The following TTPA variants were observed in gnomAD, a reference collection of about 807,000 sequenced individuals.
The protein encoded by TTPA is alpha-tocopherol transfer protein.
TTPA carries 23 observed loss-of-function variants against 25.9 expected under a neutral mutation model. That is an observed-to-expected ratio of 0.89 (90% CI 0.64 to 1.26). TTPA has a LOEUF of 1.26. Among genes scored for constraint, TTPA ranks in the 50% most tolerant of loss-of-function variants. The pLI is 0.00. For synonymous variants in TTPA, 148 were observed against 137.3 expected (o/e 1.08, Z -0.54); for missense variants, 337 against 353.1 (o/e 0.95, Z 0.37).
At chr8:63,062,091 G>A (rs1805315662) in intron 4 of TTPA, among the ~76,000 whole-genome samples, 2 of 151,872 alleles carry the variant, frequency 1.3e-5, no homozygotes, top group African/African-American at 4.8e-5. Flanking sequence ...GATACTTGGT[G>A]GGCTGAGGCA....
intron 1 of TTPA, among the ~76,000 whole-genome samples, chr8:63,080,648 G>A (rs1350474599): frequency 1.3e-5 from 2 of 151,244 alleles, no homozygotes; most frequent in African/African-American, 2.4e-5. Flanking sequence ...GTGAACCCAG[G>A]AGGCAGAGCT....
At chr8:63,062,414 A>C (rs1234660727) in intron 4 of TTPA, among the ~76,000 whole-genome samples, 1 of 152,190 alleles carries the variant, frequency 6.6e-6, no homozygotes, top group Non-Finnish European at 1.5e-5. Flanking sequence ...TGTATTCAAC[A>C]ATCATTTAAT....
intron 1 of TTPA, among the ~76,000 whole-genome samples, chr8:63,085,319 G>A (rs1351248330): frequency 6.6e-6 from 1 of 152,196 alleles, no homozygotes; most frequent in African/African-American, 2.4e-5. Flanking sequence ...TGACACTTAA[G>A]TGTTACTAGT....
chr8:63,070,529 A>C (rs563703186), intron 2 of TTPA, among the ~76,000 whole-genome samples: 2 of 152,314 alleles, frequency 1.3e-5, no homozygotes, highest in South Asian at 2.1e-4. Context: ...AGAATAACAG[A>C]ACATACAGGA....
intron 3 of TTPA, among the ~76,000 whole-genome samples, chr8:63,065,076 C>T (rs1805368224): frequency 6.6e-6 from 1 of 152,144 alleles, no homozygotes; most frequent in Non-Finnish European, 1.5e-5. Context: ...TTGCAAGAAT[C>T]CATCAAATGA....
chr8:63,080,792 A>T (rs1805652067), intron 1 of TTPA, among the ~76,000 whole-genome samples: 1 of 151,308 alleles, frequency 6.6e-6, no homozygotes, highest in Non-Finnish European at 1.5e-5. Context: ...TCAAATAGAC[A>T]CAAAAAAATG....
intron 1 of TTPA, among the ~76,000 whole-genome samples, chr8:63,079,834 C>T (rs574497330): frequency 9.8e-4 from 149 of 152,330 alleles, no homozygotes; most frequent in Non-Finnish European, 1.3e-3. Flanking sequence ...CAGACATCTA[C>T]AGCGCTCTCC....
At chr8:63,072,220 C>G (rs1805493726) in intron 2 of TTPA, among the ~76,000 whole-genome samples, 1 of 152,144 alleles carries the variant, frequency 6.6e-6, no homozygotes, top group Admixed American at 6.5e-5. Context: ...AGATGAAATC[C>G]ACAATCTCAT....
chr8:63,085,718 C>A (rs1805738118), intron 1 of TTPA, 100 bp downstream of exon 1: 11 of 1,410,926 alleles, frequency 7.8e-6, no homozygotes, highest in Middle Eastern at 2.4e-4. Flanking sequence ...GTCCTGCCTG[C>A]ACCCTGGGCT....
intron 1 of TTPA, among the ~76,000 whole-genome samples, chr8:63,083,745 A>T (rs1450624447): frequency 6.6e-6 from 1 of 152,114 alleles, no homozygotes; most frequent in African/African-American, 2.4e-5. Flanking sequence ...AAATAAATGC[A>T]TATTATAATA....
At chr8:63,083,342 G>A (rs367614334) in intron 1 of TTPA, among the ~76,000 whole-genome samples, 10 of 152,252 alleles carry the variant, frequency 6.6e-5, no homozygotes, top group Non-Finnish European at 1.2e-4. Flanking sequence ...TTGCAGGGAC[G>A]TGGACGAAGC....
rs397515524 is a variant in TTPA, at chr8:63,066,035, C to A, written c.421G>T (p.Glu141Ter). ...DVFRVSLITSELIVQEVETQR... is the reference protein window; with the variant it reads ...DVFRVSLITS ...GTTTCTACCTCCTGTACAATAAGCT[C>A]GGATGTGATTAGACTTACTCGAAAT... The change falls in exon 3 of 5, where the codon GAG becomes TAG. Residue 141 changes from glutamate to a stop codon, truncating the protein, a stop_gained. Coordinates refer to ENST00000260116, the MANE Select transcript of TTPA (RefSeq NM_000370.3). LOFTEE classifies it high-confidence loss of function. 6 of 1,613,876 alleles carry A rather than the reference C, an allele frequency of 3.7e-6. No homozygotes were observed. Among genetic ancestry groups the A allele is most frequent in the Non-Finnish European group, 5.1e-6 (6 of 1,179,966 alleles).
intron 2 of TTPA, among the ~76,000 whole-genome samples, chr8:63,067,061 A>C (rs1035577886): frequency 1.3e-5 from 2 of 152,098 alleles, no homozygotes; most frequent in Non-Finnish European, 2.9e-5. Context: ...AAAAAAATTC[A>C]AAGAATTTTT....
At chr8:63,071,060 G>A (rs1563362828) in intron 2 of TTPA, among the ~76,000 whole-genome samples, 2 of 152,108 alleles carry the variant, frequency 1.3e-5, no homozygotes, top group East Asian at 3.8e-4. Context: ...TAGGTACTTT[G>A]TTAAATCTGG....
rs577508179 is a variant in TTPA, at chr8:63,061,398, G to A, written c.691C>T (p.Gln231Ter). 1 of 1,613,954 alleles carries A rather than the reference G, an allele frequency of 6.2e-7. No homozygotes were observed. Among genetic ancestry groups the A allele is most frequent in the African/African-American group, 1.3e-5 (1 of 75,038 alleles). Residue 231 changes from glutamine (Q) to a stop codon, truncating the protein, a stop_gained, in exon 5 of 5, where the codon CAA becomes TAA. Transcript: ENST00000260116. LOFTEE classifies it high-confidence loss of function. Reference sequence around the variant, plus strand: ...TCTGGGAAATGCTGAAGCAAGCTTTGTTTGTAGTTGTTCCCATGCATGTGA... The same window carrying A: ...TCTGGGAAATGCTGAAGCAAGCTTTATTTGTAGTTGTTCCCATGCATGTGA... The part of the protein sequence containing the change: ...RIHMHGNNYK[Q>*]SLLQHFPDIL...
chr8:63,071,434 A>C (rs757679099), intron 2 of TTPA, among the ~76,000 whole-genome samples: 22 of 152,232 alleles, frequency 1.4e-4, no homozygotes, highest in Admixed American at 6.5e-4. Context: ...TAATTAAAAA[A>C]TTCTGGTCAT....
At chr8:63,064,374 A>G in intron 3 of TTPA, 58 bp from the exon 4 acceptor site, 1 of 1,189,792 alleles carries the variant, frequency 8.4e-7, no homozygotes, top group East Asian at 2.5e-5. Flanking sequence ...CTGATACCTA[A>G]TGTCAAGTTT....
chr8:63,060,098 A>AC lies in TTPA; in HGVS notation c.*1153dup, dbSNP rs1263889585. On this transcript the variant is annotated 3_prime_UTR_variant, in exon 5 of 5. Coordinates refer to ENST00000260116, the MANE Select transcript of TTPA (RefSeq NM_000370.3). ...TTATTTTATGCATAATCTGAAAAATACCAGATGTAATTGACAGTAATTTTT... is the reference window on the plus strand; with the variant it reads ...TTATTTTATGCATAATCTGAAAAATACCCAGATGTAATTGACAGTAATTTTT... 6.6e-6 allele frequency: 1 copy of AC among 152,230 alleles called. No individual in the cohort carries two copies. Among genetic ancestry groups the AC allele is most frequent in the African/African-American group, 2.4e-5 (1 of 41,466 alleles). The allele number at this position is 152,230 out of a possible 1,614,324, so 9.4% of individuals were successfully genotyped here. A position where few individuals can be genotyped will look rare whatever the true frequency, so the allele number is the denominator to read the frequency against.
At chr8:63,062,066 A>C (rs1463537044) in intron 4 of TTPA, among the ~76,000 whole-genome samples, 2 of 152,074 alleles carry the variant, frequency 1.3e-5, no homozygotes, top group East Asian at 3.9e-4. Flanking sequence ...GTGGTGGTGC[A>C]GGACTGTAGT....
Sources: allele counts gnomAD v4.1 joint callset (sites outside exome capture counted in the v4.1 genomes callset), GRCh38; gene constraint gnomAD v4.1.1; transcripts MANE v1.5; gene names NCBI Gene and HGNC (gene_info 2026-07-23, HGNC 2026-07-21).